Variants in HINT3 observed in about 807,000 individuals in gnomAD.
HINT3 encodes the protein adenosine 5'-monophosphoramidase HINT3.
HINT3 carries 16 observed loss-of-function variants against 19.1 expected under a neutral mutation model. The observed-to-expected ratio is 0.84, with a 90% confidence interval of 0.57 to 1.27. The LOEUF is 1.27. Ranked by LOEUF, HINT3 falls within the 50% of genes most tolerant of loss-of-function variation. HINT3 has a pLI of 0.00. For missense variants in HINT3, 197 were observed against 225.8 expected, an observed-to-expected ratio of 0.87 and a Z score of 0.82; for synonymous variants, 75 against 84.8, an observed-to-expected ratio of 0.88 and a Z score of 0.63.
intron 4 of HINT3, among the ~76,000 whole-genome samples, chr6:125,975,575 T>C (rs62426380): frequency 0.15 from 19,672 of 133,394 alleles, 1,725 homozygotes; most frequent in Middle Eastern, 0.2. Flanking sequence ...GATCTGTGGC[T>C]GAAGAGTTGT....
chr6:125,967,078 A>C (rs1003389802), intron 2 of HINT3, 74 bp downstream of exon 2: 2 of 945,294 alleles, frequency 2.1e-6, no homozygotes, highest in Non-Finnish European at 3.3e-6. Flanking sequence ...AAGATTAAAA[A>C]GAAAAAGTCT....
rs1788940321 is a variant in HINT3, at chr6:125,962,197, TATATATATATATACAC to T, written c.202-4676_202-4661del. On this transcript the variant is annotated intron_variant, in intron 1 of 4. Transcript: ENST00000229633. ...ATATATATATATATACACATATATA[TATATATATATATACAC>T]ATATATATATATATATATATACACA... Among the ~76,000 whole-genome samples, 25 of 48,086 alleles carry T rather than the reference TATATATATATATACAC, an allele frequency of 5.2e-4. 4 individuals carry two copies. The highest frequency in any genetic ancestry group is 0.013 in the Middle Eastern group (1 of 80). 31.5% of individuals were successfully genotyped at this position (48,086 alleles called of 152,430 possible).
At position 125,962,189 on chromosome 6, in the gene HINT3, CATATATATATATAT is replaced by C. The variant is rs371993982; in HGVS notation, c.202-4690_202-4677del. Among the ~76,000 whole-genome samples the C allele has an allele frequency of 1.2e-4, 8 of 64,328 alleles. 1 individual carries two copies. The highest frequency in any genetic ancestry group is 6.5e-4 in the African/African-American group (6 of 9,168). 42.2% of individuals were successfully genotyped at this position (64,328 alleles called of 152,430 possible). On this transcript the variant is annotated intron_variant, in intron 1 of 4. Coordinates refer to ENST00000229633, the MANE Select transcript of HINT3 (RefSeq NM_138571.5). Reference sequence around the variant, plus strand: ...ATATATATATATATATATATATACACATATATATATATATATATATACACATATATATATATATA... The same window carrying C: ...ATATATATATATATATATATATACACATATATACACATATATATATATATA...
intron 2 of HINT3, among the ~76,000 whole-genome samples, chr6:125,969,841 C>T (rs979567612): frequency 6.6e-6 from 1 of 151,940 alleles, no homozygotes; most frequent in African/African-American, 2.4e-5. Context: ...ATTTGTATCC[C>T]GAAACTTTAC....
intron 3 of HINT3, among the ~76,000 whole-genome samples, chr6:125,974,365 T>C (rs183198714): frequency 0.011 from 1,649 of 152,300 alleles, 14 homozygotes; most frequent in Non-Finnish European, 0.017. Context: ...ATGACATAAT[T>C]AATCTCACTA....
rs1198643633 is a variant in HINT3 at position 125,960,658 on chromosome 6, G to C, written c.201+3480G>C. Among the ~76,000 whole-genome samples, 38 of 144,112 alleles carry C rather than the reference G, an allele frequency of 2.6e-4. 1 individual carries two copies. Among genetic ancestry groups the C allele is most frequent in the African/African-American group, 8.5e-4 (34 of 40,078 alleles). The allele number at this position is 144,112 out of a possible 152,430, so 94.5% of individuals were successfully genotyped here. On this transcript the variant is annotated intron_variant, in intron 1 of 4. Transcript: ENST00000229633. The stretch of plus-strand genomic sequence containing the variant: ...GGTGACAGAGCAAGACTCTCTCTGG[G>C]GGGGGGGAAAAAAAAAGAAGTTAGG...
rs182750965 is a variant in HINT3, at chr6:125,973,953, C to A, written c.390-894C>A. On this transcript the variant is annotated intron_variant, in intron 3 of 4. Coordinates refer to ENST00000229633, the MANE Select transcript of HINT3 (RefSeq NM_138571.5). ...GATTATTTGATTCTACATTATATGACTGTTTGGCAGAAGGAAAACCTAGTC... is the reference window on the plus strand; with the variant it reads ...GATTATTTGATTCTACATTATATGAATGTTTGGCAGAAGGAAAACCTAGTC... Among the ~76,000 whole-genome samples the A allele has an allele frequency of 2.3e-4, 35 of 152,244 alleles. No homozygotes were observed. In the East Asian group the frequency reaches 6.0e-3, roughly 26 times the overall value.
At chr6:125,975,133 G>A (rs373946404) in intron 4 of HINT3, among the ~76,000 whole-genome samples, 160 bp downstream of exon 4, 90 of 152,148 alleles carry the variant, frequency 5.9e-4, no homozygotes, top group Middle Eastern at 3.4e-3. Flanking sequence ...TTTTAATTTG[G>A]GGGATTTTGA....
intron 1 of HINT3, among the ~76,000 whole-genome samples, chr6:125,960,770 T>G (rs1048619669): frequency 5.3e-5 from 8 of 150,046 alleles, no homozygotes; most frequent in African/African-American, 1.9e-4. Flanking sequence ...GGAGAAAGAA[T>G]ACGCACATCA....
At chr6:125,961,532 G>T (rs1788926630) in intron 1 of HINT3, among the ~76,000 whole-genome samples, 2 of 152,134 alleles carry the variant, frequency 1.3e-5, no homozygotes, top group Admixed American at 6.5e-5. Flanking sequence ...CTTCTCTTTG[G>T]GTTCTAAAGC....
chr6:125,966,873 G>A lies in HINT3; in HGVS notation c.202-14G>A, dbSNP rs1263114414. 7 of 1,537,586 alleles carry A rather than the reference G, an allele frequency of 4.6e-6. No individual in the cohort carries two copies. Among genetic ancestry groups the A allele is most frequent in the Middle Eastern group, 1.7e-4 (1 of 5,944 alleles). On this transcript the variant is annotated splice_polypyrimidine_tract_variant and intron_variant, in intron 1 of 4. Transcript: ENST00000229633. ...TCTTTTTAAAAATTCACTAACAAAT[G>A]TTTTTTCCTTTAGAATGAGGACCTA...
intron 3 of HINT3, among the ~76,000 whole-genome samples, chr6:125,974,360 A>G (rs191000736): frequency 6.6e-6 from 1 of 152,362 alleles, no homozygotes; most frequent in Admixed American, 6.5e-5. Flanking sequence ...TTATGATGAC[A>G]TAATTAATCT....
rs947760483 is a variant in HINT3, at chr6:125,978,224, C to G, written c.*548C>G. 1 of 151,998 alleles carries G rather than the reference C, an allele frequency of 6.6e-6. No individual in the cohort carries two copies. The highest frequency in any genetic ancestry group is 6.6e-5 in the Admixed American group (1 of 15,260). The allele number at this position is 151,998 out of a possible 1,614,324, so 9.4% of individuals were successfully genotyped here. A position where few individuals can be genotyped will look rare whatever the true frequency, so the allele number is the denominator to read the frequency against. On this transcript the variant is annotated 3_prime_UTR_variant, in exon 5 of 5. Coordinates refer to ENST00000229633, the MANE Select transcript of HINT3 (RefSeq NM_138571.5). ...CCACTTTTTCCTCAAATTTCAGATGCCAGTTTTCACTTTTTGAAGCATTGC... is the reference window on the plus strand; with the variant it reads ...CCACTTTTTCCTCAAATTTCAGATGGCAGTTTTCACTTTTTGAAGCATTGC...
intron 4 of HINT3, 92 bp from the exon 5 acceptor site, chr6:125,977,552 T>C: frequency 3.3e-6 from 2 of 609,086 alleles, no homozygotes; most frequent in Non-Finnish European, 5.7e-6. Flanking sequence ...ACTCAACTCT[T>C]CTAATGTGGC....
At chr6:125,967,992 C>T (rs1260746095) in intron 2 of HINT3, among the ~76,000 whole-genome samples, 4 of 152,062 alleles carry the variant, frequency 2.6e-5, no homozygotes, top group African/African-American at 9.7e-5. Flanking sequence ...TTAGATTTGA[C>T]GGTTTAGATT....
intron 4 of HINT3, among the ~76,000 whole-genome samples, chr6:125,976,637 G>A (rs990667230): frequency 4.2e-5 from 6 of 143,118 alleles, no homozygotes; most frequent in African/African-American, 1.3e-4. Flanking sequence ...ATACATTTTT[G>A]TAATGTTTTG....
intron 3 of HINT3, among the ~76,000 whole-genome samples, chr6:125,974,640 C>G (rs750548717): frequency 8.5e-5 from 13 of 152,164 alleles, no homozygotes; most frequent in Non-Finnish European, 1.9e-4. Context: ...TGATGATGAG[C>G]TTATGTTACT....
chr6:125,968,083 A>G (rs1048471113), intron 2 of HINT3, among the ~76,000 whole-genome samples: 12 of 152,212 alleles, frequency 7.9e-5, no homozygotes, highest in African/African-American at 4.8e-5. Context: ...TGTGGTGCTG[A>G]GGTTTGGGAT....
chr6:125,965,454 A>C (rs935935851), intron 1 of HINT3, among the ~76,000 whole-genome samples: 1 of 152,212 alleles, frequency 6.6e-6, no homozygotes, highest in African/African-American at 2.4e-5. Context: ...TACTAGATTT[A>C]ACCCCCAATT....
Sources: gnomAD v4.1 joint callset for allele counts (sites outside exome capture counted in the v4.1 genomes callset) on GRCh38, gnomAD v4.1.1 for gene constraint, MANE v1.5 for transcripts, NCBI Gene and HGNC (gene_info 2026-07-23, HGNC 2026-07-21) for gene names.